AGMO: variants seen among roughly 807,000 people sequenced by gnomAD.
AGMO encodes the protein glyceryl-ether monooxygenase.
AGMO carries 75 observed loss-of-function variants against 60.2 expected under a neutral mutation model. That is an observed-to-expected ratio of 1.25 (90% CI 1.03 to 1.51). AGMO has a LOEUF of 1.51. Ranked by LOEUF, AGMO falls within the 40% of genes most tolerant of loss-of-function variation. The probability of loss-of-function intolerance (pLI) is 0.00; values close to 1 mark genes in which losing one functional copy is unlikely to be tolerated. For missense variants in AGMO, 763 were observed against 525.5 expected (o/e 1.45, Z -4.42); for synonymous variants, 261 against 177.1 (o/e 1.47, Z -3.76).
intron 12 of AGMO, among the ~76,000 whole-genome samples, chr7:15,307,692 C>T (rs1327686961): frequency 6.6e-6 from 1 of 152,000 alleles, no homozygotes; most frequent in South Asian, 2.1e-4. Flanking sequence ...CCAGCTCTCA[C>T]CTAGTTTCCT....
intron 12 of AGMO, among the ~76,000 whole-genome samples, chr7:15,291,330 AC>A (rs1205478992): frequency 6.6e-6 from 1 of 152,214 alleles, no homozygotes; most frequent in Non-Finnish European, 1.5e-5. Flanking sequence ...CCAATGGGAA[AC>A]GTTACGATTC....
intron 12 of AGMO, among the ~76,000 whole-genome samples, chr7:15,356,594 T>C (rs993119549): frequency 6.6e-6 from 1 of 152,060 alleles, no homozygotes; most frequent in African/African-American, 2.4e-5. Context: ...CTGTTCTATC[T>C]GTGGAAATAT....
the AGMO span, among the ~76,000 whole-genome samples, chr7:15,126,320 T>TA: frequency 6.6e-6 from 1 of 152,122 alleles, no homozygotes; most frequent in African/African-American, 2.4e-5. Flanking sequence ...ACTGTGAAGT[T>TA]AAAAAATATG....
intron 12 of AGMO, among the ~76,000 whole-genome samples, chr7:15,237,596 A>G (rs1782463593): frequency 2.0e-5 from 3 of 152,118 alleles, no homozygotes; most frequent in Admixed American, 2.0e-4. Flanking sequence ...CAGGGAAACT[A>G]AAAGATATCC....
intron 12 of AGMO, among the ~76,000 whole-genome samples, chr7:15,253,442 T>A (rs1209515766): frequency 1.3e-5 from 2 of 152,070 alleles, no homozygotes; most frequent in Non-Finnish European, 2.9e-5. Flanking sequence ...ATAAAATAAT[T>A]ATCTGGAGAA....
At chr7:15,405,282 A>T (rs1784657249) in intron 5 of AGMO, among the ~76,000 whole-genome samples, 1 of 151,928 alleles carries the variant, frequency 6.6e-6, no homozygotes, top group Non-Finnish European at 1.5e-5. Flanking sequence ...CATTAAAAAG[A>T]TGTTTGCTGG....
At chr7:15,430,223 C>A (rs1398920430) in intron 4 of AGMO, among the ~76,000 whole-genome samples, 2 of 151,778 alleles carry the variant, frequency 1.3e-5, no homozygotes, top group African/African-American at 4.8e-5. Context: ...AAATGTTTGA[C>A]CATTATAATT....
the AGMO span, among the ~76,000 whole-genome samples, chr7:15,188,832 G>A: frequency 6.6e-6 from 1 of 152,164 alleles, no homozygotes; most frequent in African/African-American, 2.4e-5. Flanking sequence ...CTGATCGTTG[G>A]AGTTAACATC....
chr7:15,560,501 T>C (rs932013317), intron 1 of AGMO, among the ~76,000 whole-genome samples: 11 of 152,104 alleles, frequency 7.2e-5, no homozygotes, highest in East Asian at 3.8e-4. Flanking sequence ...GAATATGAAA[T>C]GTAATCATAG....
intron 12 of AGMO, among the ~76,000 whole-genome samples, chr7:15,344,767 T>C (rs1269381958): frequency 1.3e-5 from 2 of 152,178 alleles, no homozygotes; most frequent in Admixed American, 1.3e-4. Flanking sequence ...ACTTTTCCAT[T>C]AGAAATATGG....
Position 15,250,860 on chromosome 7 carries a change from G to A in AGMO, c.1264-49501C>T, listed in dbSNP as rs182712078. 6.6e-3 allele frequency among the ~76,000 whole-genome samples: 996 copies of A among 151,762 alleles called. 14 individuals carry two copies. The highest frequency in any genetic ancestry group is 0.022 in the African/African-American group (930 of 41,436). On this transcript the variant is annotated intron_variant, in intron 12 of 12. Coordinates refer to ENST00000342526, the MANE Select transcript of AGMO (RefSeq NM_001004320.2). ...CTCGGGAGGCTGAGGCAGGAGAATCGCTTGAACCCGGGAGGCAGACGTTGC... is the reference window on the plus strand; with the variant it reads ...CTCGGGAGGCTGAGGCAGGAGAATCACTTGAACCCGGGAGGCAGACGTTGC...
chr7:15,521,317 A>C (rs1783978683), intron 3 of AGMO, among the ~76,000 whole-genome samples: 1 of 152,150 alleles, frequency 6.6e-6, no homozygotes, highest in Non-Finnish European at 1.5e-5. Flanking sequence ...GAGCAACAGA[A>C]AAAGAAGGAA....
At chr7:15,183,749 C>A in the AGMO span, among the ~76,000 whole-genome samples, 2 of 152,306 alleles carry the variant, frequency 1.3e-5, no homozygotes, top group African/African-American at 4.8e-5. Context: ...TAGCATCTAT[C>A]ACCTTTTAAG....
intron 10 of AGMO, among the ~76,000 whole-genome samples, chr7:15,369,058 T>C (rs1342221278): frequency 1.3e-5 from 2 of 152,142 alleles, no homozygotes; most frequent in African/African-American, 4.8e-5. Context: ...GACAAAAACC[T>C]GTGGCTGGTC....
At chr7:15,318,494 C>T (rs978598595) in intron 12 of AGMO, among the ~76,000 whole-genome samples, 1 of 152,002 alleles carries the variant, frequency 6.6e-6, no homozygotes, top group Non-Finnish European at 1.5e-5. Context: ...AATCCTAATC[C>T]ACATGGTCAA....
At chr7:15,290,753 G>T (rs949918957) in intron 12 of AGMO, among the ~76,000 whole-genome samples, 2 of 152,032 alleles carry the variant, frequency 1.3e-5, no homozygotes, top group Non-Finnish European at 2.9e-5. Context: ...TATTTAAATT[G>T]TACCTATGTC....
intron 12 of AGMO, among the ~76,000 whole-genome samples, chr7:15,329,936 G>A (rs939923501): frequency 6.6e-6 from 1 of 152,038 alleles, no homozygotes; most frequent in Non-Finnish European, 1.5e-5. Flanking sequence ...TTAGGTCAGA[G>A]GACTGAAAAA....
At chr7:15,278,859 C>G (rs901152325) in intron 12 of AGMO, among the ~76,000 whole-genome samples, 1 of 152,104 alleles carries the variant, frequency 6.6e-6, no homozygotes, top group Admixed American at 6.6e-5. Context: ...ATAGTACTCA[C>G]ATGGGGACAG....
At chr7:15,412,802 G>C (rs1027322592) in intron 5 of AGMO, among the ~76,000 whole-genome samples, 2 of 151,008 alleles carry the variant, frequency 1.3e-5, no homozygotes, top group African/African-American at 4.9e-5. Flanking sequence ...TCCTAACAAT[G>C]TATAAGTCAA....
Sources: gnomAD v4.1 joint callset for allele counts (sites outside exome capture counted in the v4.1 genomes callset) on GRCh38, gnomAD v4.1.1 for gene constraint, MANE v1.5 for transcripts, NCBI Gene and HGNC (gene_info 2026-07-23, HGNC 2026-07-21) for gene names.